The following TENM4 variants were observed in gnomAD, a reference collection of about 807,000 sequenced individuals.
The protein encoded by TENM4 is teneurin transmembrane protein 4.
A neutral mutation model predicts 243.3 loss-of-function variants in TENM4; 82 were observed. That is an observed-to-expected ratio of 0.34 (90% CI 0.28 to 0.40). The LOEUF (loss-of-function observed/expected upper bound fraction) is 0.40, where lower values mean the gene tolerates loss of function less well. Ranked by LOEUF, TENM4 falls within the 10% of genes least tolerant of loss-of-function variation. The pLI is 1.00. For synonymous variants in TENM4, 1,412 were observed against 1,456.3 expected, an observed-to-expected ratio of 0.97 and a Z score of 0.69; for missense variants, 3,138 against 3,673.3, an observed-to-expected ratio of 0.85 and a Z score of 3.77.
At chr11:79,081,293 T>C (rs1026477431) in intron 4 of TENM4, among the ~76,000 whole-genome samples, 1 of 152,212 alleles carries the variant, frequency 6.6e-6, no homozygotes, top group Non-Finnish European at 1.5e-5. Context: ...CCAGAGAAGA[T>C]GCTCTGTTGA....
chr11:78,937,124 A>G, intron 6 of TENM4, among the ~76,000 whole-genome samples: 1 of 152,188 alleles, frequency 6.6e-6, no homozygotes, highest in Middle Eastern at 3.2e-3. Context: ...ACAAACCCAC[A>G]GAAGAGCCTT....
chr11:79,169,337 G>A (rs1287188134), intron 3 of TENM4, among the ~76,000 whole-genome samples: 1 of 152,192 alleles, frequency 6.6e-6, no homozygotes, highest in African/African-American at 2.4e-5. Flanking sequence ...GTTGGGAACT[G>A]ACCAGATCCC....
chr11:79,107,560 A>G (rs1861402646), intron 4 of TENM4, among the ~76,000 whole-genome samples: 1 of 152,216 alleles, frequency 6.6e-6, no homozygotes, highest in Non-Finnish European at 1.5e-5. Flanking sequence ...ACAGAGGGTC[A>G]ATGTTCCCTG....
At position 78,657,493 on chromosome 11, in the gene TENM4, G is replaced by A. The variant is rs1857924125; in HGVS notation, c.*565C>T. ...AAGATGAAGCCATCTATGATCCTCTGGAGGCAGAGAACAAGGTGAGAAGAA... is the reference window on the plus strand; with the variant it reads ...AAGATGAAGCCATCTATGATCCTCTAGAGGCAGAGAACAAGGTGAGAAGAA... On this transcript the variant is annotated 3_prime_UTR_variant, in exon 34 of 34. Transcript: ENST00000278550. The A allele has an allele frequency of 3.2e-6, 1 of 308,684 alleles. No homozygotes were observed. Among genetic ancestry groups the A allele is most frequent in the Non-Finnish European group, 5.9e-6 (1 of 169,118 alleles). 19.1% of individuals were successfully genotyped at this position (308,684 alleles called of 1,614,324 possible).
intron 3 of TENM4, among the ~76,000 whole-genome samples, chr11:79,211,819 G>A (rs746057917): frequency 8.5e-5 from 13 of 152,102 alleles, no homozygotes; most frequent in Non-Finnish European, 1.3e-4. Context: ...CTTCAATAAC[G>A]TTGAAGAGTA....
chr11:78,739,710 C>T lies in TENM4; in HGVS notation c.2757-1140G>A, dbSNP rs77000894. On this transcript the variant is annotated intron_variant, in intron 19 of 33. Transcript: ENST00000278550. ...AGTGGAAAACGAATGAAAAGATCTACGCTGGATGAAGTCGGGATGGAGGCC... is the reference window on the plus strand; with the variant it reads ...AGTGGAAAACGAATGAAAAGATCTATGCTGGATGAAGTCGGGATGGAGGCC... 7.1e-3 allele frequency among the ~76,000 whole-genome samples: 1,081 copies of T among 152,178 alleles called. 18 individuals are homozygous for T. Among genetic ancestry groups the T allele is most frequent in the African/African-American group, 0.025 (1,045 of 41,516 alleles).
At chr11:79,323,879 C>A (rs2135432405) in intron 1 of TENM4, among the ~76,000 whole-genome samples, 1 of 131,488 alleles carries the variant, frequency 7.6e-6, no homozygotes, top group Non-Finnish European at 1.7e-5. Flanking sequence ...TTCTCCATCC[C>A]TATACACACA....
intron 6 of TENM4, among the ~76,000 whole-genome samples, chr11:78,978,360 G>T (rs950590803): frequency 1.3e-5 from 2 of 149,360 alleles, no homozygotes; most frequent in Non-Finnish European, 3.0e-5. Context: ...GAAAAGAAAA[G>T]AAAAGAAAAG....
chr11:79,340,865 C>A (rs143785152), intron 1 of TENM4, among the ~76,000 whole-genome samples: 131 of 152,298 alleles, frequency 8.6e-4, no homozygotes, highest in African/African-American at 3.0e-3. Flanking sequence ...TACTTATGTC[C>A]TAATCCCCAG....
intron 1 of TENM4, among the ~76,000 whole-genome samples, chr11:79,361,499 G>C (rs1018180727): frequency 6.6e-6 from 1 of 152,130 alleles, no homozygotes; most frequent in African/African-American, 2.4e-5. Flanking sequence ...CTTAGACTTA[G>C]TTTTGTCACA....
At chr11:79,333,766 A>G (rs1857101743) in intron 1 of TENM4, among the ~76,000 whole-genome samples, 1 of 152,228 alleles carries the variant, frequency 6.6e-6, no homozygotes, top group Non-Finnish European at 1.5e-5. Flanking sequence ...AACATCTTAC[A>G]TTTTGTATTA....
At chr11:78,776,147 A>T (rs991005857) in intron 17 of TENM4, among the ~76,000 whole-genome samples, 4 of 152,078 alleles carry the variant, frequency 2.6e-5, no homozygotes, top group Admixed American at 6.5e-5. Flanking sequence ...TCTTGTTCTC[A>T]ATGGTCCCCC....
intron 2 of TENM4, among the ~76,000 whole-genome samples, chr11:79,249,281 TTAACCTACC>T: frequency 6.6e-6 from 1 of 152,298 alleles, no homozygotes; most frequent in South Asian, 2.1e-4. Flanking sequence ...ACAGAAATAT[TTAACCTACC>T]TACCCATGGG....
At chr11:79,375,211 C>T (rs1447037855) in intron 1 of TENM4, among the ~76,000 whole-genome samples, 3 of 152,158 alleles carry the variant, frequency 2.0e-5, no homozygotes, top group African/African-American at 7.2e-5. Flanking sequence ...ATTAAAGCTG[C>T]ATTTGAGGAA....
chr11:78,976,446 A>G (rs1368557930), intron 6 of TENM4, among the ~76,000 whole-genome samples: 1 of 152,230 alleles, frequency 6.6e-6, no homozygotes, highest in East Asian at 1.9e-4. Context: ...TGTGGTGTGG[A>G]TATAAGCATA....
chr11:79,183,551 G>C (rs949772918), intron 3 of TENM4, among the ~76,000 whole-genome samples: 2 of 152,120 alleles, frequency 1.3e-5, no homozygotes, highest in Admixed American at 1.3e-4. Flanking sequence ...ATGGACTTTG[G>C]GTGATAATGA....
intron 9 of TENM4, among the ~76,000 whole-genome samples, chr11:78,889,114 T>C (rs921189695): frequency 6.6e-6 from 1 of 152,148 alleles, no homozygotes; most frequent in Non-Finnish European, 1.5e-5. Context: ...AGGAGCTCCT[T>C]ATATCTGTGT....
intron 15 of TENM4, among the ~76,000 whole-genome samples, chr11:78,800,942 T>C (rs897305812): frequency 6.6e-6 from 1 of 152,160 alleles, no homozygotes; most frequent in Non-Finnish European, 1.5e-5. Flanking sequence ...GAAATGGTAA[T>C]ACTAGTAATA....
At position 79,373,294 on chromosome 11, in the gene TENM4, ATGGCTGGC is replaced by A. The variant is rs200276676; in HGVS notation, c.-321+67207_-321+67214del. ...TGTAGATGGATGCATGGGTGGATAG[ATGGCTGGC>A]TGGCTGGCTGGCTGGCTGGCTGGCT... On this transcript the variant is annotated intron_variant, in intron 1 of 33. Transcript: ENST00000278550. Among the ~76,000 whole-genome samples, 66 of 149,738 alleles carry A rather than the reference ATGGCTGGC, an allele frequency of 4.4e-4. No homozygotes were observed. The South Asian group carries it at 4.5e-3, about 10-fold the overall frequency.
Sources: allele counts gnomAD v4.1 joint callset (sites outside exome capture counted in the v4.1 genomes callset), GRCh38; gene constraint gnomAD v4.1.1; transcripts MANE v1.5; gene names NCBI Gene and HGNC (gene_info 2026-07-23, HGNC 2026-07-21).